The following TMEM196 variants were observed in gnomAD, a reference collection of about 807,000 sequenced individuals.
The protein encoded by TMEM196 is transmembrane protein 196.
TMEM196 carries 17 observed loss-of-function variants against 20.0 expected under a neutral mutation model. The observed-to-expected ratio is 0.85, with a 90% CI of 0.58 to 1.27. The LOEUF is 1.27. Among genes scored for constraint, TMEM196 ranks in the 50% most tolerant of loss-of-function variants. TMEM196 has a pLI of 0.00. For synonymous variants in TMEM196, 113 were observed against 88.9 expected (o/e 1.27, Z -1.52); for missense variants, 267 against 223.0 (o/e 1.20, Z -1.26).
chr7:19,729,273 C>A, intron 2 of TMEM196, 109 bp downstream of exon 2: 2 of 672,142 alleles, frequency 3.0e-6, no homozygotes, highest in Middle Eastern at 3.8e-4. Context: ...TTTTTTTTGC[C>A]TCAAACTAGC....
At chr7:19,752,787 G>C (rs919641293) in intron 1 of TMEM196, among the ~76,000 whole-genome samples, 5 of 151,838 alleles carry the variant, frequency 3.3e-5, no homozygotes, top group African/African-American at 1.2e-4. Flanking sequence ...GCTAATTTTT[G>C]TATTTTTAGT....
At chr7:19,747,593 G>A (rs1263405700) in intron 1 of TMEM196, among the ~76,000 whole-genome samples, 1 of 152,164 alleles carries the variant, frequency 6.6e-6, no homozygotes, top group Non-Finnish European at 1.5e-5. Flanking sequence ...ATGTCATACA[G>A]CAGGCAAGTG....
At position 19,720,721 on chromosome 7, in the gene TMEM196, T is replaced by C. The variant is rs1317294596; in HGVS notation, c.*1407A>G. 2 of 151,942 alleles carry C rather than the reference T, an allele frequency of 1.3e-5. No individual in the cohort carries two copies. Among genetic ancestry groups the C allele is most frequent in the African/African-American group, 4.8e-5 (2 of 41,438 alleles). 9.4% of individuals were successfully genotyped at this position (151,942 alleles called of 1,614,324 possible). A position where few individuals can be genotyped will look rare whatever the true frequency, so the allele number is the denominator to read the frequency against. On this transcript the variant is annotated 3_prime_UTR_variant, in exon 5 of 5. Coordinates refer to ENST00000405844, the MANE Select transcript of TMEM196 (RefSeq NM_001363562.2). ...ATCTAGCTATACAAATGTTAGCCTA[T>C]CTTTTCACTTTTTCCTCAAAGAATT... is the stretch of plus-strand genomic sequence containing the variant.
chr7:19,733,961 C>A (rs1427640754), intron 1 of TMEM196, among the ~76,000 whole-genome samples: 3 of 152,144 alleles, frequency 2.0e-5, no homozygotes, highest in Non-Finnish European at 4.4e-5. Flanking sequence ...TTGGGAGTAA[C>A]AACTGACAGC....
intron 1 of TMEM196, among the ~76,000 whole-genome samples, chr7:19,732,221 C>T (rs1463389125): frequency 1.3e-5 from 2 of 152,204 alleles, no homozygotes; most frequent in African/African-American, 4.8e-5. Flanking sequence ...CAAGGTAACA[C>T]ATCAAGGTCA....
At chr7:19,736,634 C>CA (rs1401205144) in intron 1 of TMEM196, among the ~76,000 whole-genome samples, 2 of 151,572 alleles carry the variant, frequency 1.3e-5, no homozygotes, top group Non-Finnish European at 3.0e-5. Flanking sequence ...GCAGTGTTTT[C>CA]AGCAGTGCTT....
rs903874271 is a variant in TMEM196 at position 19,720,893 on chromosome 7, A to G, written c.*1235T>C. 2.0e-5 allele frequency: 3 copies of G among 151,948 alleles called. No individual in the cohort carries two copies. The highest frequency in any genetic ancestry group is 2.0e-4 in the Admixed American group (3 of 15,256). The allele number at this position is 151,948 out of a possible 1,614,324, so 9.4% of individuals were successfully genotyped here. ...GGGGTTACATCATCTGCCCTTTTGT[A>G]TCATTTAACTGGACTGCAAGGTGTT... On this transcript the variant is annotated 3_prime_UTR_variant, in exon 5 of 5. Transcript: ENST00000405844.
chr7:19,727,522 A>G (rs1373982751), intron 2 of TMEM196, among the ~76,000 whole-genome samples: 1 of 152,154 alleles, frequency 6.6e-6, no homozygotes, highest in African/African-American at 2.4e-5. Flanking sequence ...CCAAATAATT[A>G]AATCATCCTA....
rs144954073 is a variant in TMEM196 at position 19,725,624 on chromosome 7, C to T, written c.349G>A (p.Gly117Ser). Reference sequence around the variant, plus strand: ...GTGAGCCAGGAAGAGAGAGTGCAGCCCCCGATCCCAATGCACGCGAGAGAC... The same window carrying T: ...GTGAGCCAGGAAGAGAGAGTGCAGCTCCCGATCCCAATGCACGCGAGAGAC... The part of the protein sequence containing the change: ...SMSLACIGIG[G>S]CTLSSWLTCR... The change falls in exon 3 of 5, where the codon GGC becomes AGC. Residue 117 changes from glycine (G) to serine (S), a missense_variant. By Grantham distance (56) the Gly-to-Ser change is moderately conservative. Transcript: ENST00000405844. 5.8e-5 allele frequency: 93 copies of T among 1,613,924 alleles called. No homozygotes were observed. Among genetic ancestry groups the T allele is most frequent in the Non-Finnish European group, 7.3e-5 (86 of 1,179,998 alleles).
intron 2 of TMEM196, among the ~76,000 whole-genome samples, chr7:19,728,439 A>G (rs1784075303): frequency 6.6e-6 from 1 of 152,180 alleles, no homozygotes; most frequent in Admixed American, 6.5e-5. Flanking sequence ...TAAAAATTAC[A>G]TCTAAAATTG....
intron 1 of TMEM196, among the ~76,000 whole-genome samples, chr7:19,741,026 A>G (rs191891555): frequency 5.3e-5 from 8 of 152,294 alleles, no homozygotes; most frequent in Non-Finnish European, 1.2e-4. Context: ...CCACACATTC[A>G]TAATAGTTGC....
At chr7:19,765,535 T>G (rs987744314) in intron 1 of TMEM196, among the ~76,000 whole-genome samples, 19 of 152,194 alleles carry the variant, frequency 1.2e-4, no homozygotes, top group African/African-American at 3.9e-4. Context: ...TACTTTCACT[T>G]TTCAACAAGT....
intron 1 of TMEM196, among the ~76,000 whole-genome samples, chr7:19,739,480 A>G (rs1235836066): frequency 6.6e-6 from 1 of 152,158 alleles, no homozygotes; most frequent in Non-Finnish European, 1.5e-5. Flanking sequence ...AGGAGGCCTC[A>G]GAGAGCTTGT....
At chr7:19,747,283 AAAT>A (rs1416673212) in intron 1 of TMEM196, among the ~76,000 whole-genome samples, 30 of 144,684 alleles carry the variant, frequency 2.1e-4, no homozygotes, top group African/African-American at 7.7e-4. Flanking sequence ...AATAAAATAA[AAAT>A]AAAAAATAAA....
At chr7:19,735,075 T>C (rs1470848145) in intron 1 of TMEM196, among the ~76,000 whole-genome samples, 2 of 152,176 alleles carry the variant, frequency 1.3e-5, no homozygotes, top group Non-Finnish European at 2.9e-5. Flanking sequence ...GTAAGTAAAA[T>C]TTGTAACATT....
At chr7:19,728,100 G>T (rs1268524749) in intron 2 of TMEM196, among the ~76,000 whole-genome samples, 1 of 152,044 alleles carries the variant, frequency 6.6e-6, no homozygotes, top group Non-Finnish European at 1.5e-5. Context: ...ATAAGAGAAA[G>T]ACAGAGAAGT....
chr7:19,747,996 A>C (rs1394003124), intron 1 of TMEM196, among the ~76,000 whole-genome samples: 1 of 152,170 alleles, frequency 6.6e-6, no homozygotes, highest in Non-Finnish European at 1.5e-5. Context: ...CGTTACCTCT[A>C]ACTGGGAGTG....
intron 1 of TMEM196, among the ~76,000 whole-genome samples, chr7:19,740,691 T>G (rs1006599865): frequency 6.6e-6 from 1 of 152,154 alleles, no homozygotes; most frequent in South Asian, 2.1e-4. Context: ...CAAGGAGCTC[T>G]GCTAGCGTTT....
chr7:19,755,347 A>G (rs1785165238), intron 1 of TMEM196, among the ~76,000 whole-genome samples: 1 of 152,198 alleles, frequency 6.6e-6, no homozygotes. Flanking sequence ...CTAACATGAG[A>G]CGTGCACATA....
Sources: allele counts gnomAD v4.1 joint callset (sites outside exome capture counted in the v4.1 genomes callset), GRCh38; gene constraint gnomAD v4.1.1; transcripts MANE v1.5; gene names NCBI Gene and HGNC (gene_info 2026-07-23, HGNC 2026-07-21).